The following TECPR1 variants were observed in gnomAD, a reference collection of about 807,000 sequenced individuals.
The protein encoded by TECPR1 is tectonin beta-propeller repeat containing 1, also known as tectonin beta-propeller repeat-containing protein 1.
Under a neutral mutation model 162.4 loss-of-function variants are expected in TECPR1, and 122 were observed. The ratio of observed to expected loss-of-function variants is 0.75; its 90% CI spans 0.65 to 0.87. TECPR1 has a LOEUF of 0.87. Ranked by LOEUF, TECPR1 falls within the 40% of genes least tolerant of loss-of-function variation. TECPR1 has a pLI of 0.00. For missense variants in TECPR1, 1,432 were observed against 1,618.2 expected (o/e 0.88, Z 1.97); for synonymous variants, 642 against 670.6 (o/e 0.96, Z 0.66).
intron 19 of TECPR1, among the ~76,000 whole-genome samples, chr7:98,224,543 G>A (rs1798226548): frequency 6.6e-6 from 1 of 152,214 alleles, no homozygotes; most frequent in African/African-American, 2.4e-5. Context: ...GTGGCGTGGG[G>A]GAGCCATGGT....
At position 98,232,878 on chromosome 7, in the gene TECPR1, C is replaced by T. The variant is rs749380846; in HGVS notation, c.1767G>A (p.Arg589=). 3 of 1,612,886 alleles carry T rather than the reference C, an allele frequency of 1.9e-6. No individual in the cohort carries two copies. The highest frequency in any genetic ancestry group is 1.7e-4 in the Middle Eastern group (1 of 6,054). Residue 589 remains arginine, a synonymous_variant, in exon 12 of 26, where the codon AGG becomes AGA. Coordinates refer to ENST00000447648, the MANE Select transcript of TECPR1 (RefSeq NM_015395.3). This position sits in a 1 kb window ranked among gnomAD's most constrained non-coding sequence, Gnocchi z 4.6. ...TGAAGTTCTCCAGCTCCCGCTTGGTCCTTTCCGTGAGCTGCTGGAAGATCT... is the reference window on the plus strand; with the variant it reads ...TGAAGTTCTCCAGCTCCCGCTTGGTTCTTTCCGTGAGCTGCTGGAAGATCT... ...RKQIFQQLTE[R]TKRELENFRH...
rs774049050 is a variant in TECPR1, at chr7:98,240,880, C to T, written c.904G>A (p.Val302Met). The change falls in exon 8 of 26, where the codon GTG becomes ATG. Residue 302 changes from valine (V) to methionine (M), a missense_variant. Val to Met is a conservative substitution (Grantham distance 21, BLOSUM62 1). Coordinates refer to ENST00000447648, the MANE Select transcript of TECPR1 (RefSeq NM_015395.3). Reference protein sequence around the residue: ...GVMHISVGVSVVWAVTKDWKV... With the variant: ...GVMHISVGVSMVWAVTKDWKV... The stretch of plus-strand genomic sequence containing the variant: ...CAGTCCTTGGTGACAGCCCAGACCA[C>T]GCTGACTCCCACCGAGATGTGCATG... The T allele has an allele frequency of 9.5e-6, 15 of 1,584,196 alleles. No individual in the cohort carries two copies. The highest frequency in any genetic ancestry group is 2.3e-5 in the South Asian group (2 of 88,354).
chr7:98,245,090 C>T (rs1253314656), intron 3 of TECPR1, 23 bp from the exon 4 acceptor site: 17 of 1,559,720 alleles, frequency 1.1e-5, no homozygotes, highest in South Asian at 5.9e-5. Flanking sequence ...GACACAGAGG[C>T]GGCCTTGGAC....
In TECPR1 at chr7:98,223,701, T is replaced by G. The variant is rs1415862075; in HGVS notation, c.2708A>C (p.Lys903Thr). 6.2e-7 allele frequency: 1 copy of G among 1,613,724 alleles called. No homozygotes were observed. The highest frequency in any genetic ancestry group is 8.5e-7 in the Non-Finnish European group (1 of 1,179,788). Residue 903 changes from lysine (K) to threonine (T), a missense_variant, in exon 20 of 26, where the codon AAA becomes ACA. Lys to Thr is a moderately conservative substitution (Grantham distance 78, BLOSUM62 -1). Coordinates refer to ENST00000447648, the MANE Select transcript of TECPR1 (RefSeq NM_015395.3). ...SDFPASYHGSKTMKDFVRRRC... is the reference protein window; with the variant it reads ...SDFPASYHGSTTMKDFVRRRC... ...CCTCCTCACAAAATCCTTCATCGTT[T>G]TGGACCCATGGTATGAGCTGCAAGG...
intron 16 of TECPR1, 150 bp from the exon 17 acceptor site, chr7:98,228,266 T>C: frequency 3.0e-6 from 2 of 666,150 alleles, no homozygotes; most frequent in South Asian, 1.7e-5. Context: ...GTTGAGCTTA[T>C]CGCACGGGGG....
At position 98,217,761 on chromosome 7, in the gene TECPR1, C is replaced by T. The variant is rs1376753503; in HGVS notation, c.3315G>A (p.Gly1105=). 6 of 1,550,786 alleles carry T rather than the reference C, an allele frequency of 3.9e-6. No homozygotes were observed. The highest frequency in any genetic ancestry group is 1.7e-4 in the Middle Eastern group (1 of 6,010). Residue 1105 remains glycine (G), a synonymous_variant, in exon 25 of 26, where the codon GGG becomes GGA. Coordinates refer to ENST00000447648, the MANE Select transcript of TECPR1 (RefSeq NM_015395.3). ...KVQGSHSLSR[G]TVCHRTGVQP... ...GCACGCCGGTGCGATGACACACTGT[C>T]CCCCGGCTCAGGCTGTGGCTGCCCT...
At chr7:98,235,849 A>AAAAAAAAAAAACAAC in intron 10 of TECPR1, among the ~76,000 whole-genome samples, 4 of 110,334 alleles carry the variant, frequency 3.6e-5, no homozygotes, top group African/African-American at 6.2e-5. Context: ...AAAAAAAAAA[A>AAAAAAAAAAAACAAC]AACACCATCT....
At chr7:98,246,232 C>A in intron 2 of TECPR1, 67 bp from the exon 3 acceptor site, 1 of 960,484 alleles carries the variant, frequency 1.0e-6, no homozygotes, top group Non-Finnish European at 1.5e-6. Context: ...TCATGTGAAA[C>A]CTGGGAGACT....
intron 9 of TECPR1, among the ~76,000 whole-genome samples, chr7:98,238,130 T>C (rs1173042028): frequency 6.6e-6 from 1 of 152,148 alleles, no homozygotes; most frequent in Non-Finnish European, 1.5e-5. Flanking sequence ...TCACTTTCCA[T>C]GGAAAAGGTT....
chr7:98,233,466 C>T lies in TECPR1; in HGVS notation c.1627G>A (p.Val543Met), dbSNP rs377271046. The T allele has an allele frequency of 4.7e-5, 70 of 1,478,774 alleles. No individual in the cohort carries two copies. The highest frequency in any genetic ancestry group is 2.0e-5 in the Non-Finnish European group (22 of 1,116,418). The allele number at this position is 1,478,774 out of a possible 1,614,324, so 91.6% of individuals were successfully genotyped here. The change falls in exon 11 of 26, where the codon GTG (valine) becomes ATG (methionine). Residue 543 changes from valine to methionine, a missense_variant. Val to Met is a conservative substitution (Grantham distance 21, BLOSUM62 1). Transcript: ENST00000447648. ...LWAWVSGGGC[V>M]VEACAMPRWF... ...CTGGGCATGGCACATGCCTCCACCACGCAGCCGCCTCCCGACACCCAGGCC... is the reference window on the plus strand; with the variant it reads ...CTGGGCATGGCACATGCCTCCACCATGCAGCCGCCTCCCGACACCCAGGCC...
At chr7:98,249,240 G>A (rs560689923) in intron 2 of TECPR1, among the ~76,000 whole-genome samples, 28 of 152,216 alleles carry the variant, frequency 1.8e-4, no homozygotes, top group South Asian at 6.2e-4. Context: ...AAGTGAGTGA[G>A]AGGGTGAGGA....
At chr7:98,227,032 A>T (rs1584329652) in intron 17 of TECPR1, among the ~76,000 whole-genome samples, 1 of 152,238 alleles carries the variant, frequency 6.6e-6, no homozygotes, top group East Asian at 1.9e-4. Context: ...AAAACTTTGA[A>T]TATGCCACTT....
intron 14 of TECPR1, 29 bp downstream of exon 14, chr7:98,231,195 C>T (rs7788259): frequency 3.7e-6 from 6 of 1,609,728 alleles, no homozygotes; most frequent in Non-Finnish European, 5.1e-6. Context: ...ATCCCTCCCC[C>T]CGGCCCGAGG....
intron 11 of TECPR1, 122 bp from the exon 12 acceptor site, chr7:98,233,094 G>T: frequency 8.2e-7 from 1 of 1,221,570 alleles, no homozygotes; most frequent in Non-Finnish European, 1.1e-6. Context: ...TCTCTGTTAA[G>T]CCTCCTTCCA....
intron 2 of TECPR1, 195 bp downstream of exon 2, chr7:98,251,199 T>C (rs766673018): frequency 6.6e-6 from 1 of 152,210 alleles, no homozygotes; most frequent in Non-Finnish European, 1.5e-5. Context: ...CAAGAATTTC[T>C]ACAAGATGAA....
At chr7:98,236,971 C>CTCT in intron 9 of TECPR1, 50 bp from the exon 10 acceptor site, 1 of 1,474,624 alleles carries the variant, frequency 6.8e-7, no homozygotes. Context: ...GGCCCGGGGG[C>CTCT]TCTTCTCGCT....
rs570389526 is a variant in TECPR1 at position 98,217,175 on chromosome 7, G to A, written c.*215C>T. ...CATGCCCCACACCCCGGGACTCCTC[G>A]CAGACGGGGACACGTGTGGGAGTGT... On this transcript the variant is annotated 3_prime_UTR_variant, in exon 26 of 26. Transcript: ENST00000447648. 82 of 523,980 alleles carry A rather than the reference G, an allele frequency of 1.6e-4. No individual in the cohort carries two copies. Among genetic ancestry groups the A allele is most frequent in the African/African-American group, 6.9e-4 (35 of 51,042 alleles). 32.5% of individuals were successfully genotyped at this position (523,980 alleles called of 1,614,324 possible). A position where few individuals can be genotyped will look rare whatever the true frequency, so the allele number is the denominator to read the frequency against.
chr7:98,224,597 G>A (rs1798227773), intron 19 of TECPR1, among the ~76,000 whole-genome samples: 1 of 152,288 alleles, frequency 6.6e-6, no homozygotes, highest in East Asian at 1.9e-4. Context: ...TGCCACGTGT[G>A]CAGGGAGCAC....
chr7:98,237,499 T>C (rs1385344604), intron 9 of TECPR1, among the ~76,000 whole-genome samples: 2 of 152,072 alleles, frequency 1.3e-5, no homozygotes, highest in Non-Finnish European at 2.9e-5. Flanking sequence ...GATGGAGTCT[T>C]GCTCTGTCAC....
Sources: gnomAD v4.1 joint callset for allele counts (sites outside exome capture counted in the v4.1 genomes callset) on GRCh38, gnomAD v4.1.1 for gene constraint, Gnocchi (gnomAD v3.1) non-coding constraint, MANE v1.5 for transcripts, NCBI Gene and HGNC (gene_info 2026-07-23, HGNC 2026-07-21) for gene names.